The following ZNF267 variants were observed in gnomAD, a reference collection of about 807,000 sequenced individuals.
ZNF267 encodes the protein zinc finger (C2H2).
Under a neutral mutation model 71.6 loss-of-function variants are expected in ZNF267, and 61 were observed. That is an observed-to-expected ratio of 0.85 (90% confidence interval 0.69 to 1.05). The LOEUF (loss-of-function observed/expected upper bound fraction) is 1.05, where lower values mean the gene tolerates loss of function less well. Among genes scored for constraint, ZNF267 ranks in the 50% least tolerant of loss-of-function variants. ZNF267 has a pLI of 0.00. For missense variants in ZNF267, 852 were observed against 870.0 expected (o/e 0.98, Z 0.26); for synonymous variants, 288 against 293.2 (o/e 0.98, Z 0.18).
chr16:31,899,830 A>G (rs1298066244), intron 3 of ZNF267, among the ~76,000 whole-genome samples: 1 of 152,212 alleles, frequency 6.6e-6, no homozygotes, highest in East Asian at 1.9e-4. Context: ...AGCATATTAT[A>G]AATGATATAC....
At chr16:31,899,563 G>A (rs1171402434) in intron 3 of ZNF267, among the ~76,000 whole-genome samples, 1 of 152,110 alleles carries the variant, frequency 6.6e-6, no homozygotes, top group East Asian at 1.9e-4. Flanking sequence ...AGCACTAAAT[G>A]CCCACAAGAG....
At chr16:31,891,413 C>T (rs2083959454) in intron 3 of ZNF267, among the ~76,000 whole-genome samples, 1 of 152,110 alleles carries the variant, frequency 6.6e-6, no homozygotes, top group Non-Finnish European at 1.5e-5. Flanking sequence ...TATGTATTTA[C>T]CATTTCCAGT....
At chr16:31,881,890 C>T (rs1477317643) in intron 1 of ZNF267, among the ~76,000 whole-genome samples, 3 of 152,068 alleles carry the variant, frequency 2.0e-5, no homozygotes, top group Non-Finnish European at 4.4e-5. Flanking sequence ...ATCTTGAACT[C>T]CTGACCTCAA....
chr16:31,887,753 C>T (rs961014993), intron 3 of ZNF267, among the ~76,000 whole-genome samples: 7 of 151,996 alleles, frequency 4.6e-5, no homozygotes, highest in Admixed American at 2.6e-4. Context: ...TCTGTTTTTA[C>T]GTCAGTACCA....
intron 3 of ZNF267, among the ~76,000 whole-genome samples, chr16:31,901,196 A>G (rs1368095380): frequency 2.0e-5 from 3 of 151,904 alleles, no homozygotes; most frequent in African/African-American, 7.3e-5. Context: ...AATCCAGTCT[A>G]TCATTGTTGG....
chr16:31,913,158 A>G (rs939725896), intron 3 of ZNF267: 2 of 152,144 alleles, frequency 1.3e-5, no homozygotes, highest in African/African-American at 4.8e-5. Flanking sequence ...GCTTTCCAGA[A>G]TTTGAAGGTA....
At chr16:31,886,107 A>G (rs1358813612) in intron 3 of ZNF267, among the ~76,000 whole-genome samples, 1 of 152,170 alleles carries the variant, frequency 6.6e-6, no homozygotes, top group African/African-American at 2.4e-5. Context: ...CTTTCTAGAC[A>G]TATGATTCTT....
intron 3 of ZNF267, among the ~76,000 whole-genome samples, chr16:31,905,574 G>A (rs555899704): frequency 2.0e-5 from 3 of 152,064 alleles, no homozygotes; most frequent in South Asian, 2.1e-4. Context: ...CCAGTTGATC[G>A]AATCGGCTAC....
chr16:31,915,102 C>CGG lies in ZNF267; in HGVS notation c.853_854insGG (p.His285ArgfsTer31), dbSNP rs756697711. 9.3e-6 allele frequency: 15 copies of CGG among 1,613,042 alleles called. No homozygotes were observed. In the South Asian group the frequency reaches 1.7e-4, roughly 18 times the overall value. ...TACCCAGTCATTAAAACATATTCAACATCAGACCATCCATATCAGAGAAAA... is the reference window on the plus strand; with the variant it reads ...TACCCAGTCATTAAAACATATTCAACGGATCAGACCATCCATATCAGAGAAAA... On this transcript the variant is annotated frameshift_variant, in exon 4 of 4. Transcript: ENST00000300870. LOFTEE classifies it high-confidence loss of function.
At chr16:31,885,114 A>T (rs1281546219) in intron 2 of ZNF267, 47 bp from the exon 3 acceptor site, 4 of 1,477,144 alleles carry the variant, frequency 2.7e-6, no homozygotes, top group Middle Eastern at 4.5e-4. Flanking sequence ...AATAAAAAAT[A>T]AAAAGAACCC....
At chr16:31,908,440 C>A (rs1409492198) in intron 3 of ZNF267, among the ~76,000 whole-genome samples, 3 of 152,052 alleles carry the variant, frequency 2.0e-5, no homozygotes, top group African/African-American at 7.2e-5. Context: ...CTTTGTTTCC[C>A]TGTGCTTTAA....
At chr16:31,906,939 T>C (rs1338476195) in intron 3 of ZNF267, among the ~76,000 whole-genome samples, 1 of 152,024 alleles carries the variant, frequency 6.6e-6, no homozygotes, top group Non-Finnish European at 1.5e-5. Flanking sequence ...AGTTCTTTTT[T>C]TCTAATTCAT....
chr16:31,883,054 A>G (rs911707332), intron 1 of ZNF267, among the ~76,000 whole-genome samples: 4 of 152,246 alleles, frequency 2.6e-5, no homozygotes, highest in African/African-American at 4.8e-5. Context: ...AGCAGGTCTC[A>G]GTTCTGTAGG....
At chr16:31,874,053 C>T in intron 1 of ZNF267, 84 bp downstream of exon 1, 1 of 1,489,918 alleles carries the variant, frequency 6.7e-7, no homozygotes, top group Non-Finnish European at 9.2e-7. Flanking sequence ...GGCACCCGGG[C>T]CTCCCCGCAG....
intron 1 of ZNF267, among the ~76,000 whole-genome samples, chr16:31,881,887 A>C (rs1209473842): frequency 6.6e-6 from 1 of 150,896 alleles, no homozygotes; most frequent in Non-Finnish European, 1.5e-5. Context: ...CTGATCTTGA[A>C]CTCCTGACCT....
intron 3 of ZNF267, among the ~76,000 whole-genome samples, chr16:31,903,884 G>A (rs2084063879): frequency 6.6e-6 from 1 of 152,130 alleles, no homozygotes; most frequent in Admixed American, 6.5e-5. Context: ...ATGTTAGGGT[G>A]TCAATTTTAG....
intron 1 of ZNF267, among the ~76,000 whole-genome samples, chr16:31,876,837 A>C (rs994623485): frequency 6.6e-6 from 1 of 152,226 alleles, no homozygotes; most frequent in Non-Finnish European, 1.5e-5. Flanking sequence ...GCCTGCAAGA[A>C]GAGGTCACTG....
intron 1 of ZNF267, chr16:31,875,040 C>A: frequency 9.9e-7 from 1 of 1,014,662 alleles, no homozygotes; most frequent in Non-Finnish European, 1.4e-6. Flanking sequence ...AAATCCCTGA[C>A]ACTCCACTGC....
chr16:31,905,994 C>G (rs1253534441), intron 3 of ZNF267, among the ~76,000 whole-genome samples: 1 of 152,012 alleles, frequency 6.6e-6, no homozygotes, highest in Non-Finnish European at 1.5e-5. Flanking sequence ...GTTAGTTTTC[C>G]TTCTAACAGT....
Sources: allele counts gnomAD v4.1 joint callset (sites outside exome capture counted in the v4.1 genomes callset), GRCh38; gene constraint gnomAD v4.1.1; transcripts MANE v1.5; gene names NCBI Gene and HGNC (gene_info 2026-07-23, HGNC 2026-07-21).